DNAI4: variants seen among roughly 807,000 people sequenced by gnomAD.
DNAI4 encodes dynein axonemal intermediate chain 4, also known as WD repeat domain 78.
DNAI4 carries 85 observed loss-of-function variants against 105.8 expected under a neutral mutation model. The ratio of observed to expected loss-of-function variants is 0.80; its 90% CI spans 0.67 to 0.96. The LOEUF is 0.96. DNAI4 is among the 40% of genes least tolerant of loss of function. The pLI is 0.00. For missense variants in DNAI4, 1,014 were observed against 1,005.6 expected (o/e 1.01, Z -0.11); for synonymous variants, 352 against 331.5 (o/e 1.06, Z -0.67).
intron 5 of DNAI4, among the ~76,000 whole-genome samples, chr1:66,872,214 TTTA>T (rs1259064975): frequency 0.014 from 1,435 of 104,374 alleles, 22 homozygotes; most frequent in African/African-American, 0.057. Context: ...ATTTTATTTA[TTTA>T]TTATTTATTT....
chr1:66,897,836 G>A (rs1244606262), intron 2 of DNAI4, among the ~76,000 whole-genome samples: 1 of 152,198 alleles, frequency 6.6e-6, no homozygotes, highest in African/African-American at 2.4e-5. Context: ...CAGATGGCCT[G>A]GGAGTCTATG....
intron 5 of DNAI4, among the ~76,000 whole-genome samples, chr1:66,872,106 G>A (rs1401304148): frequency 6.6e-6 from 1 of 151,946 alleles, no homozygotes; most frequent in African/African-American, 2.4e-5. Flanking sequence ...TGTGTTCTCT[G>A]GTTGACCTAC....
Position 66,827,839 on chromosome 1 carries a change from T to C in DNAI4, c.2085A>G (p.Gln695=). The change falls in exon 14 of 17, where the codon CAA becomes CAG. Residue 695 remains glutamine, a synonymous_variant. Coordinates refer to ENST00000371026, the MANE Select transcript of DNAI4 (RefSeq NM_024763.5). Reference sequence around the variant, plus strand: ...TATGTCCTCTGTAGGTATCTAAGTATTGTTCATTATATGAACAAGAACATT... The same window carrying C: ...TATGTCCTCTGTAGGTATCTAAGTACTGTTCATTATATGAACAAGAACATT... The part of the protein sequence containing the change: ...IHKCSCSYNE[Q]YLDTYRGHKG... The C allele has an allele frequency of 6.2e-7, 1 of 1,602,338 alleles. No homozygotes were observed. Among genetic ancestry groups the C allele is most frequent in the African/African-American group, 1.3e-5 (1 of 74,474 alleles).
intron 16 of DNAI4, among the ~76,000 whole-genome samples, chr1:66,815,082 G>C (rs1645489032): frequency 6.6e-6 from 1 of 152,128 alleles, no homozygotes. Context: ...TGTGACATAA[G>C]TCAGTTCCTA....
chr1:66,909,904 CATTT>C (rs1360777391), intron 1 of DNAI4, among the ~76,000 whole-genome samples: 3 of 152,280 alleles, frequency 2.0e-5, no homozygotes, highest in East Asian at 1.9e-4. Flanking sequence ...GGAATCCATT[CATTT>C]GTCACCACTC....
Position 66,835,671 on chromosome 1 carries a change from A to T in DNAI4, c.1688T>A (p.Ile563Asn). 1 of 1,614,148 alleles carries T rather than the reference A, an allele frequency of 6.2e-7. No homozygotes were observed. The highest frequency in any genetic ancestry group is 8.5e-7 in the Non-Finnish European group (1 of 1,180,004). The change falls in exon 11 of 17, where the codon ATT becomes AAT. Residue 563 changes from isoleucine to asparagine, a missense_variant. Ile to Asn is a moderately radical substitution (Grantham distance 149, BLOSUM62 -3). Coordinates refer to ENST00000371026, the MANE Select transcript of DNAI4 (RefSeq NM_024763.5). Reference protein sequence around the residue: ...AVGYHNGTIAIYNVRSNSNVP... With the variant: ...AVGYHNGTIANYNVRSNSNVP... Reference sequence around the variant, plus strand: ...ATTACTGTTGCTCCGTACATTGTAAATTGCAATTGTGCCATTGTGATAGCC... The same window carrying T: ...ATTACTGTTGCTCCGTACATTGTAATTTGCAATTGTGCCATTGTGATAGCC...
intron 6 of DNAI4, among the ~76,000 whole-genome samples, chr1:66,864,709 C>A (rs184075591): frequency 6.6e-6 from 1 of 152,088 alleles, no homozygotes. Context: ...TGCATGGTGG[C>A]GGACACCTAT....
At chr1:66,904,661 G>T (rs1649101392) in intron 2 of DNAI4, among the ~76,000 whole-genome samples, 3 of 152,032 alleles carry the variant, frequency 2.0e-5, no homozygotes, top group Admixed American at 2.0e-4. Flanking sequence ...CTTTCAAAGA[G>T]AAAAAGTTTT....
At chr1:66,855,275 C>T (rs1323288812) in intron 7 of DNAI4, among the ~76,000 whole-genome samples, 2 of 152,202 alleles carry the variant, frequency 1.3e-5, no homozygotes, top group African/African-American at 4.8e-5. Context: ...AAGGCTCTTG[C>T]CCATGTTTTC....
chr1:66,836,520 A>G (rs1049319655), intron 10 of DNAI4, among the ~76,000 whole-genome samples: 6 of 152,176 alleles, frequency 3.9e-5, no homozygotes, highest in Admixed American at 3.3e-4. Context: ...GGATTATCTA[A>G]AGAATGAACA....
intron 4 of DNAI4, among the ~76,000 whole-genome samples, chr1:66,882,029 A>G (rs1470344006): frequency 6.6e-6 from 1 of 152,338 alleles, no homozygotes; most frequent in East Asian, 1.9e-4. Flanking sequence ...CATGTGAGAT[A>G]TGACTTGCTC....
chr1:66,863,470 T>A (rs1430537228), intron 6 of DNAI4, among the ~76,000 whole-genome samples: 3 of 152,130 alleles, frequency 2.0e-5, no homozygotes, highest in African/African-American at 7.2e-5. Context: ...TTTGTTTTGT[T>A]TCATTTTTTT....
In DNAI4 at chr1:66,834,078, C is replaced by T; in HGVS notation, c.1804G>A (p.Gly602Arg). The change falls in exon 12 of 17, where the codon GGA becomes AGA. Residue 602 changes from glycine to arginine, a missense_variant. Coordinates refer to ENST00000371026, the MANE Select transcript of DNAI4 (RefSeq NM_024763.5). ...ACTAGTATTTCTCTTTTGCCATCTC[C>T]TGTTGTTCCTCGATCTTGTTCTATC... is the stretch of plus-strand genomic sequence containing the variant. ...QWIEQDRGTT[G>R]DGKREILVSI... 9 of 1,612,730 alleles carry T rather than the reference C, an allele frequency of 5.6e-6. No individual in the cohort carries two copies. Among genetic ancestry groups the T allele is most frequent in the Non-Finnish European group, 7.6e-6 (9 of 1,179,420 alleles).
intron 4 of DNAI4, among the ~76,000 whole-genome samples, chr1:66,887,504 A>G (rs1229784773): frequency 6.6e-6 from 1 of 152,202 alleles, no homozygotes; most frequent in Non-Finnish European, 1.5e-5. Flanking sequence ...TATTTTAAAT[A>G]TATTTTTATC....
intron 8 of DNAI4, among the ~76,000 whole-genome samples, chr1:66,846,657 T>C (rs1342756628): frequency 1.3e-5 from 2 of 152,224 alleles, no homozygotes; most frequent in Non-Finnish European, 2.9e-5. Context: ...TGTAATTTAT[T>C]CTAGGCAATG....
At chr1:66,901,515 T>C (rs1648818725) in intron 2 of DNAI4, among the ~76,000 whole-genome samples, 1 of 152,246 alleles carries the variant, frequency 6.6e-6, no homozygotes, top group South Asian at 2.1e-4. Context: ...AATATTTTTC[T>C]AATGTAGATT....
intron 13 of DNAI4, among the ~76,000 whole-genome samples, chr1:66,829,760 T>A (rs1003227866): frequency 2.8e-4 from 42 of 152,286 alleles, no homozygotes; most frequent in African/African-American, 9.1e-4. Context: ...AAAAGCATAA[T>A]ACATATTTTT....
chr1:66,814,589 C>T (rs1374747371), intron 16 of DNAI4, among the ~76,000 whole-genome samples: 4 of 152,096 alleles, frequency 2.6e-5, no homozygotes, highest in African/African-American at 9.7e-5. Flanking sequence ...AGGATGGTCT[C>T]GATCTCCTGA....
intron 15 of DNAI4, among the ~76,000 whole-genome samples, chr1:66,825,103 C>G (rs558403535): frequency 6.7e-6 from 1 of 150,234 alleles, no homozygotes; most frequent in African/African-American, 2.4e-5. Context: ...TAAGTAGATA[C>G]ATACATCTTA....
Sources: gnomAD v4.1 joint callset for allele counts (sites outside exome capture counted in the v4.1 genomes callset) on GRCh38, gnomAD v4.1.1 for gene constraint, MANE v1.5 for transcripts, NCBI Gene and HGNC (gene_info 2026-07-23, HGNC 2026-07-21) for gene names.